SYT1: variants seen among roughly 807,000 people sequenced by gnomAD.
The protein encoded by SYT1 is synaptotagmin-1.
In SYT1, 8 loss-of-function variants were observed where a neutral mutation model predicts 44.8. That is an observed-to-expected ratio of 0.18 (90% CI 0.10 to 0.32). SYT1 has a LOEUF of 0.32. SYT1 is among the 10% of genes least tolerant of loss of function. The pLI is 1.00. For synonymous variants in SYT1, 154 were observed against 188.8 expected (o/e 0.82, Z 1.51); for missense variants, 286 against 509.3 (o/e 0.56, Z 4.22).
intron 2 of SYT1, among the ~76,000 whole-genome samples, chr12:79,045,313 T>C (rs1873946565): frequency 6.6e-6 from 1 of 152,152 alleles, no homozygotes; most frequent in Admixed American, 6.5e-5. Flanking sequence ...GTGCGGGATA[T>C]AATCTCGTGG....
intron 1 of SYT1, among the ~76,000 whole-genome samples, chr12:78,951,503 T>C (rs1052722252): frequency 6.6e-6 from 1 of 152,142 alleles, no homozygotes; most frequent in Non-Finnish European, 1.5e-5. Context: ...AGAAGACATA[T>C]GAACACCAGT....
intron 3 of SYT1, among the ~76,000 whole-genome samples, chr12:79,179,195 G>GAT (rs1343373267): frequency 2.6e-5 from 1 of 39,060 alleles, no homozygotes; most frequent in African/African-American, 2.1e-4. Context: ...TATAGATATA[G>GAT]ATATATAGAT....
At chr12:79,127,997 C>G (rs1868550654) in intron 3 of SYT1, among the ~76,000 whole-genome samples, 1 of 152,054 alleles carries the variant, frequency 6.6e-6, no homozygotes, top group African/African-American at 2.4e-5. Flanking sequence ...AAAACAGAAA[C>G]AGTCATAATA....
At chr12:79,395,756 CACTTT>C (rs1225829033) in intron 9 of SYT1, among the ~76,000 whole-genome samples, 3 of 151,206 alleles carry the variant, frequency 2.0e-5, no homozygotes, top group Admixed American at 2.0e-4. Context: ...GTGTAGTAAG[CACTTT>C]ACTTAGAGCA....
chr12:79,351,059 A>G (rs1019329414), intron 8 of SYT1, among the ~76,000 whole-genome samples: 2 of 152,226 alleles, frequency 1.3e-5, no homozygotes, highest in Non-Finnish European at 2.9e-5. Context: ...AAGTTCTTAA[A>G]CTAATGAAGC....
intron 8 of SYT1, among the ~76,000 whole-genome samples, chr12:79,301,535 G>A (rs529796914): frequency 1.3e-5 from 2 of 152,150 alleles, no homozygotes; most frequent in African/African-American, 4.8e-5. Context: ...CTTACTTACC[G>A]ATGAAATAGA....
intron 3 of SYT1, among the ~76,000 whole-genome samples, chr12:79,216,802 A>C (rs1158984855): frequency 6.6e-6 from 1 of 152,210 alleles, no homozygotes; most frequent in African/African-American, 2.4e-5. Flanking sequence ...GTTATGTTTC[A>C]TTAGCAGCAC....
At chr12:79,414,266 T>C (rs1868600547) in intron 9 of SYT1, among the ~76,000 whole-genome samples, 1 of 152,182 alleles carries the variant, frequency 6.6e-6, no homozygotes, top group Non-Finnish European at 1.5e-5. Flanking sequence ...TAAGAATGCA[T>C]TGTGCCTACC....
upstream of SYT1, chr12:78,864,627 C>A (rs1041318080): frequency 6.6e-6 from 1 of 152,166 alleles, no homozygotes; most frequent in Non-Finnish European, 1.5e-5. Flanking sequence ...ATTATTAGTG[C>A]GCGGGGATTG....
chr12:79,052,133 C>T (rs940047154), intron 3 of SYT1, among the ~76,000 whole-genome samples: 4 of 152,100 alleles, frequency 2.6e-5, no homozygotes, highest in African/African-American at 9.7e-5. Context: ...TGGCCATTTT[C>T]ACAATATTGA....
intron 8 of SYT1, among the ~76,000 whole-genome samples, chr12:79,344,280 T>C (rs1470050169): frequency 1.3e-5 from 2 of 152,206 alleles, no homozygotes; most frequent in African/African-American, 2.4e-5. Context: ...TATTTTACTG[T>C]TATTTTGTTG....
At chr12:78,975,920 C>T (rs1868797297) in intron 1 of SYT1, among the ~76,000 whole-genome samples, 1 of 152,070 alleles carries the variant, frequency 6.6e-6, no homozygotes, top group African/African-American at 2.4e-5. Flanking sequence ...TGGGTAAAAC[C>T]ATTAAATAAT....
chr12:78,872,520 G>T (rs916166555), intron 1 of SYT1, among the ~76,000 whole-genome samples: 2 of 151,784 alleles, frequency 1.3e-5, no homozygotes, highest in Non-Finnish European at 1.5e-5. Flanking sequence ...CAGTTCTCTG[G>T]TTATAAGAAT....
chr12:79,080,473 A>G (rs754111094), intron 3 of SYT1, among the ~76,000 whole-genome samples: 1 of 152,188 alleles, frequency 6.6e-6, no homozygotes, highest in African/African-American at 2.4e-5. Context: ...AAGAAAAGCC[A>G]TTCACTACAC....
At chr12:79,231,751 T>G (rs1046893560) in intron 4 of SYT1, among the ~76,000 whole-genome samples, 1 of 152,208 alleles carries the variant, frequency 6.6e-6, no homozygotes, top group East Asian at 1.9e-4. Context: ...TTGGATCAGA[T>G]TATTTTAAAT....
At chr12:79,409,636 A>T (rs1328654151) in intron 9 of SYT1, among the ~76,000 whole-genome samples, 2 of 152,086 alleles carry the variant, frequency 1.3e-5, no homozygotes, top group Non-Finnish European at 2.9e-5. Flanking sequence ...ATCTAAAGCC[A>T]GTTTTCAGTT....
chr12:79,079,713 T>A (rs1329094226), intron 3 of SYT1, among the ~76,000 whole-genome samples: 1 of 152,114 alleles, frequency 6.6e-6, no homozygotes, highest in African/African-American at 2.4e-5. Flanking sequence ...AAATAAATAA[T>A]TTTATTCATT....
rs560786336 is a variant in SYT1, at chr12:79,069,620, T to C, written c.-18+22258T>C. On this transcript the variant is annotated intron_variant, in intron 3 of 10. Coordinates refer to ENST00000261205, the MANE Select transcript of SYT1 (RefSeq NM_005639.3). ...TAAAAATCCCTGTAATGTAGAAAGA[T>C]GGCTACTAACTATGACTTACATGTG... Among the ~76,000 whole-genome samples, 4 of 152,166 alleles carry C rather than the reference T, an allele frequency of 2.6e-5. No individual in the cohort carries two copies. In the South Asian group the frequency reaches 8.3e-4, roughly 32 times the overall value.
chr12:79,248,577 G>A (rs1245819), intron 4 of SYT1, among the ~76,000 whole-genome samples: 110,349 of 152,060 alleles, frequency 0.73, 40,762 homozygotes, highest in African/African-American at 0.84. Flanking sequence ...AATGCCATGG[G>A]GAGGAATTTG....
Sources: allele counts gnomAD v4.1 joint callset (sites outside exome capture counted in the v4.1 genomes callset), GRCh38; gene constraint gnomAD v4.1.1; transcripts MANE v1.5; gene names NCBI Gene and HGNC (gene_info 2026-07-23, HGNC 2026-07-21).